The following NAA60 variants were observed in gnomAD, a reference collection of about 807,000 sequenced individuals.
NAA60 encodes the protein N-alpha-acetyltransferase 60, NatF catalytic subunit.
In NAA60, 8 loss-of-function variants were observed where a neutral mutation model predicts 26.1. The ratio of observed to expected loss-of-function variants is 0.31; its 90% CI spans 0.18 to 0.55. NAA60 has a LOEUF of 0.55. NAA60 is among the 20% of genes least tolerant of loss of function. The pLI, the probability that NAA60 is intolerant of heterozygous loss-of-function variation, is 0.93. For missense variants in NAA60, 290 were observed against 311.3 expected (o/e 0.93, Z 0.51); for synonymous variants, 131 against 122.5 (o/e 1.07, Z -0.46).
At chr16:3,462,518 C>G (rs568365472) in intron 2 of NAA60, 47 of 152,348 alleles carry the variant, frequency 3.1e-4, no homozygotes, top group African/African-American at 1.1e-3. Flanking sequence ...TGCTGCCCTT[C>G]TCTTTCTACT....
In NAA60 at chr16:3,467,438, G is replaced by A. The variant is rs1016496181; in HGVS notation, c.-6-8784G>A. 3.9e-5 allele frequency among the ~76,000 whole-genome samples: 6 copies of A among 152,292 alleles called. No individual in the cohort carries two copies. The South Asian group carries it at 1.2e-3, about 32-fold the overall frequency. On this transcript the variant is annotated intron_variant, in intron 2 of 7. Coordinates refer to ENST00000407558, the MANE Select transcript of NAA60 (RefSeq NM_001083601.3). ...CAGGACACCTCTCAAGCCATTAAGA[G>A]GGTGGCCTTTCCAAGCGCAGCATGA...
intron 2 of NAA60, among the ~76,000 whole-genome samples, chr16:3,463,929 C>CA (rs1007669816): frequency 4.0e-5 from 6 of 151,766 alleles, no homozygotes; most frequent in Admixed American, 2.6e-4. Context: ...AAGGTTATTG[C>CA]AAAAAAAAGA....
intron 1 of NAA60, chr16:3,447,612 G>A: frequency 1.0e-6 from 1 of 985,380 alleles, no homozygotes; most frequent in Non-Finnish European, 1.2e-6. Context: ...CTACACTAAG[G>A]GGGCCTAGGT....
In NAA60 at chr16:3,474,244, G is replaced by T. The variant is rs188216602; in HGVS notation, c.-6-1978G>T. ...CAGAGCTGCTCAGGACGTCAGTGCT[G>T]GCCCTGTCCCAGGTCAAGGGGATAC... On this transcript the variant is annotated intron_variant, in intron 2 of 7. Transcript: ENST00000407558. Among the ~76,000 whole-genome samples the T allele has an allele frequency of 1.2e-4, 18 of 152,304 alleles. No homozygotes were observed. In the East Asian group the frequency reaches 3.5e-3, roughly 29 times the overall value.
At chr16:3,456,271 G>A (rs1219800285) in intron 2 of NAA60, among the ~76,000 whole-genome samples, 1 of 152,180 alleles carries the variant, frequency 6.6e-6, no homozygotes, top group Admixed American at 6.5e-5. Context: ...TGAGTCCTGA[G>A]GTTCTGCATT....
intron 1 of NAA60, chr16:3,447,499 G>A: frequency 2.0e-6 from 2 of 985,366 alleles, no homozygotes; most frequent in Non-Finnish European, 2.4e-6. Context: ...TGCCTTTTAA[G>A]GTCTATTACT....
intron 2 of NAA60, 25 bp downstream of exon 2, chr16:3,448,565 G>A: frequency 3.3e-6 from 5 of 1,528,410 alleles, no homozygotes; most frequent in Non-Finnish European, 4.4e-6. Flanking sequence ...TCTGTGTCCT[G>A]CTATTAATGA....
At chr16:3,450,965 T>C (rs1280117682) in intron 2 of NAA60, among the ~76,000 whole-genome samples, 1 of 152,210 alleles carries the variant, frequency 6.6e-6, no homozygotes, top group Non-Finnish European at 1.5e-5. Context: ...AAGTTAGAAG[T>C]CAATTAGAAC....
chr16:3,473,721 TG>T (rs772204066), intron 2 of NAA60, among the ~76,000 whole-genome samples: 6 of 149,940 alleles, frequency 4.0e-5, no homozygotes, highest in Non-Finnish European at 7.4e-5. Context: ...TTGTTGTTGT[TG>T]TTGTTGTTGT....
chr16:3,475,466 C>T (rs1343852941), intron 2 of NAA60, among the ~76,000 whole-genome samples: 1 of 152,164 alleles, frequency 6.6e-6, no homozygotes, highest in East Asian at 1.9e-4. Flanking sequence ...GTGCCCAGCA[C>T]TTGGCCGGCC....
chr16:3,479,020 G>A (rs2036661056), intron 3 of NAA60, among the ~76,000 whole-genome samples: 1 of 152,110 alleles, frequency 6.6e-6, no homozygotes, highest in South Asian at 2.1e-4. Context: ...CAGATCACAT[G>A]AGGTCAGGAG....
At position 3,448,537 on chromosome 16, in the gene NAA60, G is replaced by C; in HGVS notation, c.-10G>C. 1.3e-6 allele frequency: 2 copies of C among 1,535,620 alleles called. No individual in the cohort carries two copies. The highest frequency in any genetic ancestry group is 1.7e-6 in the Non-Finnish European group (2 of 1,146,842). On this transcript the variant is annotated 5_prime_UTR_variant, in exon 2 of 8. Transcript: ENST00000407558. ...AGCCTGAGTTGGGAGAAGAGCTCCAGAGAGTGAGTCAAAGCGCTCTGTGTC... is the reference window on the plus strand; with the variant it reads ...AGCCTGAGTTGGGAGAAGAGCTCCACAGAGTGAGTCAAAGCGCTCTGTGTC...
At chr16:3,468,234 G>C (rs1017983935) in intron 2 of NAA60, 2 of 152,232 alleles carry the variant, frequency 1.3e-5, no homozygotes, top group African/African-American at 4.8e-5. Flanking sequence ...TGCAGGAGGG[G>C]ACCAATCAGA....
intron 1 of NAA60, among the ~76,000 whole-genome samples, chr16:3,444,238 G>A (rs1309083200): frequency 1.3e-5 from 2 of 152,200 alleles, no homozygotes; most frequent in Non-Finnish European, 1.5e-5. Flanking sequence ...GGGGGAGGAG[G>A]GAGTGCCCTG....
chr16:3,478,859 T>A (rs564318979), intron 3 of NAA60, among the ~76,000 whole-genome samples: 31 of 152,116 alleles, frequency 2.0e-4, no homozygotes, highest in Non-Finnish European at 4.0e-4. Flanking sequence ...CCTAAAATCT[T>A]CACTCACCTG....
rs564801668 is a variant in NAA60 at position 3,450,359 on chromosome 16, G to A, written c.-7+1819G>A. 3.0e-4 allele frequency among the ~76,000 whole-genome samples: 45 copies of A among 152,272 alleles called. 2 individuals are homozygous for A. The highest frequency in any genetic ancestry group is 2.6e-3 in the Admixed American group (40 of 15,288). ...AAAAATGTTCTCAGGGTCTGCCTAG[G>A]AAGGCTGGTTTTGGAAGCTTGTGGA... On this transcript the variant is annotated intron_variant, in intron 2 of 7. Transcript: ENST00000407558.
intron 2 of NAA60, among the ~76,000 whole-genome samples, chr16:3,466,595 T>C (rs927583733): frequency 3.3e-5 from 5 of 152,312 alleles, no homozygotes; most frequent in South Asian, 2.1e-4. Context: ...TTCATGAGTG[T>C]TGGATTTTTC....
At chr16:3,469,964 C>T (rs1345663256) in intron 2 of NAA60, among the ~76,000 whole-genome samples, 13 of 152,302 alleles carry the variant, frequency 8.5e-5, no homozygotes, top group Admixed American at 6.5e-4. Flanking sequence ...CAAGGAAGGT[C>T]GCCACCAGAT....
At chr16:3,458,791 A>G (rs1291213283) in intron 2 of NAA60, among the ~76,000 whole-genome samples, 1 of 152,154 alleles carries the variant, frequency 6.6e-6, no homozygotes, top group Non-Finnish European at 1.5e-5. Flanking sequence ...GACCGGCCCT[A>G]CAGAACCCAC....
Sources: gnomAD v4.1 joint callset for allele counts (sites outside exome capture counted in the v4.1 genomes callset) on GRCh38, gnomAD v4.1.1 for gene constraint, MANE v1.5 for transcripts, NCBI Gene and HGNC (gene_info 2026-07-23, HGNC 2026-07-21) for gene names.